IFT74: variants seen among roughly 807,000 people sequenced by gnomAD.
The protein encoded by IFT74 is intraflagellar transport protein 74 homolog.
In IFT74, 92 loss-of-function variants were observed where a neutral mutation model predicts 96.7. The observed-to-expected ratio is 0.95, with a 90% CI of 0.80 to 1.13. IFT74 has a LOEUF of 1.13. Among genes scored for constraint, IFT74 ranks in the 50% most tolerant of loss-of-function variants. IFT74 has a pLI of 0.00. For missense variants in IFT74, 811 were observed against 698.2 expected, an observed-to-expected ratio of 1.16 and a Z score of -1.82; for synonymous variants, 223 against 213.2, an observed-to-expected ratio of 1.05 and a Z score of -0.40.
intron 8 of IFT74, among the ~76,000 whole-genome samples, chr9:26,990,608 T>C (rs767671189): frequency 2.1e-4 from 32 of 152,210 alleles, no homozygotes; most frequent in Non-Finnish European, 3.5e-4. Flanking sequence ...TTAATAGTTA[T>C]ATTAGCAATC....
chr9:27,014,415 A>G (rs1426721152), intron 10 of IFT74, among the ~76,000 whole-genome samples: 1 of 152,162 alleles, frequency 6.6e-6, no homozygotes, highest in Non-Finnish European at 1.5e-5. Context: ...GTCTTACTTC[A>G]CTTGGTGAAT....
intron 14 of IFT74, 26 bp from the exon 15 acceptor site, chr9:27,047,248 T>A (rs10812520): frequency 7.3e-7 from 1 of 1,367,326 alleles, no homozygotes; most frequent in Non-Finnish European, 1.0e-6. Flanking sequence ...TCAGCAGTAA[T>A]CTCTCTTATG....
At chr9:27,053,079 G>A (rs1327222892) in intron 16 of IFT74, among the ~76,000 whole-genome samples, 3 of 151,558 alleles carry the variant, frequency 2.0e-5, no homozygotes, top group Non-Finnish European at 4.4e-5. Context: ...TAGCCAGGAT[G>A]GCCTCGATCT....
intron 14 of IFT74, among the ~76,000 whole-genome samples, chr9:27,046,941 G>A (rs1023919400): frequency 6.6e-6 from 1 of 152,154 alleles, no homozygotes; most frequent in Non-Finnish European, 1.5e-5. Context: ...TTGGGAGGCC[G>A]AGGCGGGTGG....
intron 8 of IFT74, among the ~76,000 whole-genome samples, chr9:26,997,501 T>G (rs1828227794): frequency 6.6e-6 from 1 of 151,942 alleles, no homozygotes; most frequent in Non-Finnish European, 1.5e-5. Flanking sequence ...ACCCAGCTAA[T>G]TTTTGTATTT....
At chr9:27,052,003 G>A (rs181470028) in intron 16 of IFT74, among the ~76,000 whole-genome samples, 8 of 152,024 alleles carry the variant, frequency 5.3e-5, no homozygotes, top group East Asian at 1.9e-4. Flanking sequence ...CCTCTGTTTC[G>A]TATTTTAGAC....
At chr9:26,959,171 C>T (rs1826246319) in intron 1 of IFT74, among the ~76,000 whole-genome samples, 1 of 152,076 alleles carries the variant, frequency 6.6e-6, no homozygotes, top group Non-Finnish European at 1.5e-5. Flanking sequence ...TGCAGTGGCA[C>T]GATCTCAGCT....
chr9:26,956,841 C>A (rs1238688601), intron 1 of IFT74, among the ~76,000 whole-genome samples: 1 of 152,262 alleles, frequency 6.6e-6, no homozygotes, highest in African/African-American at 2.4e-5. Context: ...TTATTTCTGT[C>A]TGTTGATCAC....
At chr9:26,980,802 G>T (rs573619307) in intron 4 of IFT74, among the ~76,000 whole-genome samples, 183 bp downstream of exon 4, 1 of 152,286 alleles carries the variant, frequency 6.6e-6, no homozygotes, top group Admixed American at 6.5e-5. Context: ...TGGCTATGCT[G>T]TAAAATAAAT....
At position 26,977,366 on chromosome 9, in the gene IFT74, G is replaced by A. The variant is rs73436006; in HGVS notation, c.121-762G>A. 5.7e-3 allele frequency among the ~76,000 whole-genome samples: 866 copies of A among 152,310 alleles called. 10 individuals are homozygous for A. The highest frequency in any genetic ancestry group is 0.02 in the African/African-American group (812 of 41,564). On this transcript the variant is annotated intron_variant, in intron 2 of 19. Coordinates refer to ENST00000380062, the MANE Select transcript of IFT74 (RefSeq NM_025103.4). ...TAATCCCAGCTACTTGGATAGCTGAGGCAGAAGGATCTCTTCAGGCCAGTA... is the reference window on the plus strand; with the variant it reads ...TAATCCCAGCTACTTGGATAGCTGAAGCAGAAGGATCTCTTCAGGCCAGTA...
intron 8 of IFT74, among the ~76,000 whole-genome samples, chr9:27,003,826 C>G (rs1233301528): frequency 6.6e-6 from 1 of 152,162 alleles, no homozygotes; most frequent in African/African-American, 2.4e-5. Context: ...ATCACTTATT[C>G]AAGATGATTG....
At chr9:27,032,803 T>C (rs1830184478) in intron 13 of IFT74, among the ~76,000 whole-genome samples, 1 of 151,790 alleles carries the variant, frequency 6.6e-6, no homozygotes, top group Non-Finnish European at 1.5e-5. Context: ...GAGGCAGAGG[T>C]TGCAGTAAGC....
intron 14 of IFT74, among the ~76,000 whole-genome samples, chr9:27,046,587 T>C (rs924030567): frequency 6.6e-6 from 1 of 152,186 alleles, no homozygotes; most frequent in African/African-American, 2.4e-5. Flanking sequence ...AATCCAGCAT[T>C]GTAAATAAAA....
chr9:27,062,979 A>G lies in IFT74; in HGVS notation c.*243A>G. 1 of 391,234 alleles carries G rather than the reference A, an allele frequency of 2.6e-6. No homozygotes were observed. Among genetic ancestry groups the G allele is most frequent in the South Asian group, 3.8e-5 (1 of 26,600 alleles). The allele number at this position is 391,234 out of a possible 1,614,324, so 24.2% of individuals were successfully genotyped here. On this transcript the variant is annotated 3_prime_UTR_variant, in exon 20 of 20. Transcript: ENST00000380062. ...GCTACTTGTATTTGAACCAAGAGAT[A>G]AAGAAACTAAAAGTGACCGTTGAAA...
intron 8 of IFT74, chr9:26,995,991 G>A: frequency 1.5e-6 from 1 of 676,194 alleles, no homozygotes; most frequent in East Asian, 2.8e-5. Flanking sequence ...TTGTTTGGTG[G>A]ATGAATTCTC....
At chr9:26,985,612 C>G (rs1827597069) in intron 6 of IFT74, among the ~76,000 whole-genome samples, 1 of 152,010 alleles carries the variant, frequency 6.6e-6, no homozygotes, top group Non-Finnish European at 1.5e-5. Flanking sequence ...CATTTCCCTC[C>G]CCAGAAATAA....
intron 10 of IFT74, among the ~76,000 whole-genome samples, chr9:27,013,127 T>C (rs1347279341): frequency 6.6e-6 from 1 of 152,198 alleles, no homozygotes; most frequent in Non-Finnish European, 1.5e-5. Flanking sequence ...ATCATCTTCA[T>C]GTAATCCCCA....
At chr9:26,998,573 C>G (rs1021931235) in intron 8 of IFT74, among the ~76,000 whole-genome samples, 3 of 152,126 alleles carry the variant, frequency 2.0e-5, no homozygotes, top group African/African-American at 7.2e-5. Context: ...AATAATAATT[C>G]TGTTAACATT....
At position 27,007,873 on chromosome 9, in the gene IFT74, A is replaced by C. The variant is rs572988376; in HGVS notation, c.588-1147A>C. Among the ~76,000 whole-genome samples, 4 of 152,316 alleles carry C rather than the reference A, an allele frequency of 2.6e-5. No individual in the cohort carries two copies. In the East Asian group the frequency reaches 7.7e-4, roughly 29 times the overall value. ...TCAATCCAGCTTTTTATAAAATGTAAATCTTGAAAGTATTTAGATAAGTGG... is the reference window on the plus strand; with the variant it reads ...TCAATCCAGCTTTTTATAAAATGTACATCTTGAAAGTATTTAGATAAGTGG... On this transcript the variant is annotated intron_variant, in intron 8 of 19. Coordinates refer to ENST00000380062, the MANE Select transcript of IFT74 (RefSeq NM_025103.4).
Sources: gnomAD v4.1 joint callset for allele counts (sites outside exome capture counted in the v4.1 genomes callset) on GRCh38, gnomAD v4.1.1 for gene constraint, MANE v1.5 for transcripts, NCBI Gene and HGNC (gene_info 2026-07-23, HGNC 2026-07-21) for gene names.